ACOXL: variants seen among roughly 807,000 people sequenced by gnomAD.
ACOXL encodes the protein acyl-coenzyme A oxidase-like protein.
A neutral mutation model predicts 71.9 loss-of-function variants in ACOXL; 70 were observed. That is an observed-to-expected ratio of 0.97 (90% CI 0.80 to 1.19). ACOXL has a LOEUF of 1.19. ACOXL is among the 50% of genes most tolerant of loss of function. ACOXL has a pLI of 0.00. For synonymous variants in ACOXL, 253 were observed against 281.6 expected (o/e 0.90, Z 1.02); for missense variants, 703 against 736.3 (o/e 0.95, Z 0.52).
chr2:111,109,259 C>T (rs2069771379), intron 17 of ACOXL, among the ~76,000 whole-genome samples: 1 of 152,180 alleles, frequency 6.6e-6, no homozygotes, highest in Admixed American at 6.5e-5. Flanking sequence ...TGTTTATGGA[C>T]TGATGTTATG....
chr2:111,088,771 CTAAAA>C (rs1382139059), intron 16 of ACOXL, among the ~76,000 whole-genome samples: 1 of 151,688 alleles, frequency 6.6e-6, no homozygotes, highest in East Asian at 1.9e-4. Context: ...AGCCCTGAAC[CTAAAA>C]TAAAAGTTAA....
At chr2:111,113,225 C>T (rs2070117611) in intron 17 of ACOXL, 1 of 152,176 alleles carries the variant, frequency 6.6e-6, no homozygotes, top group African/African-American at 2.4e-5. Flanking sequence ...GATTAAAACT[C>T]TAGTTGCATC....
In ACOXL at chr2:111,083,571, T is replaced by G. The variant is rs146202968; in HGVS notation, c.1441-9294T>G. Among the ~76,000 whole-genome samples the G allele has an allele frequency of 5.9e-3, 898 of 152,054 alleles. 7 individuals carry two copies. The highest frequency in any genetic ancestry group is 0.02 in the African/African-American group (819 of 41,494). On this transcript the variant is annotated intron_variant, in intron 16 of 17. Transcript: ENST00000439055. ...GGAGTCCAGGGTTTTTTTGTTTTTT[T>G]TTTTGAATAGTCACATAAGCATGTA...
At chr2:110,883,856 A>G (rs891690618) in intron 10 of ACOXL, among the ~76,000 whole-genome samples, 3 of 152,238 alleles carry the variant, frequency 2.0e-5, no homozygotes, top group Admixed American at 6.5e-5. Flanking sequence ...TGTATGAGAG[A>G]AAAAAGTATG....
At chr2:111,059,836 GGAAGAAGAGGA>G (rs917508302) in intron 16 of ACOXL, among the ~76,000 whole-genome samples, 1 of 150,992 alleles carries the variant, frequency 6.6e-6, no homozygotes, top group African/African-American at 2.5e-5. Context: ...AAGAGAGAAA[GGAAGAAGAGGA>G]GAAGAAGAGG....
intron 14 of ACOXL, among the ~76,000 whole-genome samples, chr2:110,996,946 T>G (rs1462192814): frequency 2.6e-5 from 4 of 152,126 alleles, no homozygotes; most frequent in African/African-American, 9.7e-5. Context: ...CTAGGAATTG[T>G]GTAAATCAAT....
chr2:110,910,121 C>T (rs945093083), intron 11 of ACOXL, among the ~76,000 whole-genome samples: 2 of 152,150 alleles, frequency 1.3e-5, no homozygotes, highest in Non-Finnish European at 2.9e-5. Flanking sequence ...CAAAAGTTCC[C>T]TCTGGCCCCT....
chr2:110,753,218 T>C (rs2104823640), intron 1 of ACOXL, among the ~76,000 whole-genome samples: 1 of 152,184 alleles, frequency 6.6e-6, no homozygotes, highest in African/African-American at 2.4e-5. Context: ...ACTTCTACCA[T>C]GAGTAGAAGT....
At chr2:110,931,280 C>A (rs912812428) in intron 11 of ACOXL, among the ~76,000 whole-genome samples, 1 of 152,196 alleles carries the variant, frequency 6.6e-6, no homozygotes, top group South Asian at 2.1e-4. Context: ...TTGGCTGGGG[C>A]CTCTCACAGT....
chr2:110,928,262 G>C (rs1319750791), intron 11 of ACOXL, among the ~76,000 whole-genome samples: 1 of 152,222 alleles, frequency 6.6e-6, no homozygotes, highest in African/African-American at 2.4e-5. Flanking sequence ...TTCATGTGTA[G>C]TAACTCATTT....
intron 10 of ACOXL, chr2:110,887,001 A>C: frequency 1.1e-6 from 1 of 929,464 alleles, no homozygotes; most frequent in Middle Eastern, 3.4e-4. Context: ...TTGTGTGGCA[A>C]GATGTCTGCA....
intron 2 of ACOXL, 28 bp downstream of exon 2, chr2:110,768,492 T>TTGTGTGTGTGTGTGTGTGTGTGTGTGTG: frequency 7.8e-7 from 1 of 1,279,838 alleles, no homozygotes; most frequent in African/African-American, 1.6e-5. Flanking sequence ...TCTGGTATGG[T>TTGTGTGTGTGTGTGTGTGTGTGTGTGTG]TGTGTGTGTG....
intron 10 of ACOXL, among the ~76,000 whole-genome samples, chr2:110,856,433 G>A (rs1693253966): frequency 6.6e-6 from 1 of 152,198 alleles, no homozygotes; most frequent in Non-Finnish European, 1.5e-5. Context: ...CAAAACACAA[G>A]AGTCGTGATG....
chr2:110,922,403 CTT>C (rs2060112814), intron 11 of ACOXL, among the ~76,000 whole-genome samples: 1 of 151,336 alleles, frequency 6.6e-6, no homozygotes, highest in Admixed American at 6.6e-5. Flanking sequence ...TCTTTTTTTT[CTT>C]TGAGTTTTCC....
At chr2:110,825,167 C>T (rs991332795) in intron 9 of ACOXL, among the ~76,000 whole-genome samples, 2 of 152,206 alleles carry the variant, frequency 1.3e-5, no homozygotes, top group Non-Finnish European at 2.9e-5. Flanking sequence ...AACCTTTGTT[C>T]TCTTTGATTG....
chr2:110,882,330 G>C (rs982688000), intron 10 of ACOXL, among the ~76,000 whole-genome samples: 3 of 152,078 alleles, frequency 2.0e-5, no homozygotes, highest in Admixed American at 6.6e-5. Context: ...TTTCATATTG[G>C]TGAGTTTTAA....
At chr2:111,099,149 A>G (rs2068976036) in intron 17 of ACOXL, 1 of 152,204 alleles carries the variant, frequency 6.6e-6, no homozygotes, top group South Asian at 2.1e-4. Flanking sequence ...AGGAGTTCAT[A>G]TGCTTCTCCA....
chr2:110,794,749 A>G (rs1425044344), intron 5 of ACOXL, among the ~76,000 whole-genome samples: 1 of 151,788 alleles, frequency 6.6e-6, no homozygotes, highest in Non-Finnish European at 1.5e-5. Flanking sequence ...TTTCCTTTTC[A>G]TTCTTTTCTT....
chr2:110,844,847 A>G (rs1237251039), intron 10 of ACOXL, among the ~76,000 whole-genome samples: 1 of 151,982 alleles, frequency 6.6e-6, no homozygotes, highest in East Asian at 1.9e-4. Flanking sequence ...ACGCCCGGCC[A>G]CCGTGACTCT....
Sources: gnomAD v4.1 joint callset for allele counts (sites outside exome capture counted in the v4.1 genomes callset) on GRCh38, gnomAD v4.1.1 for gene constraint, MANE v1.5 for transcripts, NCBI Gene and HGNC (gene_info 2026-07-23, HGNC 2026-07-21) for gene names.